CEMIP: variants seen among roughly 807,000 people sequenced by gnomAD.
CEMIP encodes cell migration-inducing and hyaluronan-binding protein.
A neutral mutation model predicts 156.9 loss-of-function variants in CEMIP; 105 were observed. The observed-to-expected ratio is 0.67, with a 90% CI of 0.57 to 0.79. CEMIP has a LOEUF of 0.79. Among genes scored for constraint, CEMIP ranks in the 30% least tolerant of loss-of-function variants. CEMIP has a pLI of 0.00. For missense variants in CEMIP, 1,457 were observed against 1,769.4 expected, an observed-to-expected ratio of 0.82 and a Z score of 3.17; for synonymous variants, 676 against 668.4, an observed-to-expected ratio of 1.01 and a Z score of -0.17.
intron 1 of CEMIP, among the ~76,000 whole-genome samples, chr15:80,848,120 G>T (rs541045399): frequency 2.1e-4 from 32 of 152,300 alleles, no homozygotes; most frequent in South Asian, 1.7e-3. Flanking sequence ...AATAGAAATT[G>T]GGTAATTTAT....
In CEMIP at chr15:80,929,430, T is replaced by C. The variant is rs7171268; in HGVS notation, c.2612+256T>C. 0.051 allele frequency among the ~76,000 whole-genome samples: 7,709 copies of C among 152,272 alleles called. 245 individuals are homozygous for C. The highest frequency in any genetic ancestry group is 0.17 in the Middle Eastern group (51 of 294). On this transcript the variant is annotated intron_variant, in intron 21 of 29. Coordinates refer to ENST00000394685, the MANE Select transcript of CEMIP (RefSeq NM_001293298.2). ...AAATGCGTAATGCATTCCTGGGCTA[T>C]GTTAATGGGAATTTAGTGTGTCTGG...
At chr15:80,933,172 C>T (rs1900990089) in intron 22 of CEMIP, 73 bp from the exon 23 acceptor site, 39 of 1,347,572 alleles carry the variant, frequency 2.9e-5, no homozygotes, top group Non-Finnish European at 3.4e-5. Flanking sequence ...TCGGAAACCT[C>T]GCCCTGGCCT....
chr15:80,870,452 G>A lies in CEMIP; in HGVS notation c.-175-3086G>A, dbSNP rs1275174318. 2.6e-5 allele frequency among the ~76,000 whole-genome samples: 4 copies of A among 152,318 alleles called. No homozygotes were observed. In the East Asian group the frequency reaches 5.8e-4, roughly 22 times the overall value. On this transcript the variant is annotated intron_variant, in intron 1 of 29. Coordinates refer to ENST00000394685, the MANE Select transcript of CEMIP (RefSeq NM_001293298.2). ...TCATCCCCATGAGGTTGAGGATGCC[G>A]TGGGAGTGCCGTTGCTCTGCAGCCT...
At chr15:80,890,351 G>A (rs1898993520) in intron 10 of CEMIP, among the ~76,000 whole-genome samples, 1 of 151,838 alleles carries the variant, frequency 6.6e-6, no homozygotes, top group African/African-American at 2.4e-5. Context: ...GGCCAAGGTG[G>A]GCAGATCACT....
chr15:80,940,401 C>T (rs993069957), intron 25 of CEMIP, among the ~76,000 whole-genome samples: 10 of 152,324 alleles, frequency 6.6e-5, no homozygotes, highest in Non-Finnish European at 1.5e-4. Flanking sequence ...AGGACCAATC[C>T]CATTTCTGTG....
rs992820445 is a variant in CEMIP at position 80,831,568 on chromosome 15, C to T, written c.-175-41970C>T. Reference sequence around the variant, plus strand: ...TCATGCTACTTTCAGAGTCAAGCAGCAAGCCAATGGGTAGGGAAAGACCAG... The same window carrying T: ...TCATGCTACTTTCAGAGTCAAGCAGTAAGCCAATGGGTAGGGAAAGACCAG... On this transcript the variant is annotated intron_variant, in intron 1 of 29. Coordinates refer to ENST00000394685, the MANE Select transcript of CEMIP (RefSeq NM_001293298.2). Among the ~76,000 whole-genome samples the T allele has an allele frequency of 2.6e-5, 4 of 152,158 alleles. No homozygotes were observed. In the East Asian group the frequency reaches 5.8e-4, roughly 22 times the overall value.
At chr15:80,935,681 T>C (rs1273251834) in intron 23 of CEMIP, among the ~76,000 whole-genome samples, 1 of 152,182 alleles carries the variant, frequency 6.6e-6, no homozygotes, top group Admixed American at 6.5e-5. Context: ...TATGGGGATA[T>C]TGTCTTATGA....
intron 1 of CEMIP, among the ~76,000 whole-genome samples, chr15:80,807,086 C>A (rs965857148): frequency 6.6e-6 from 1 of 151,962 alleles, no homozygotes; most frequent in Non-Finnish European, 1.5e-5. Context: ...GGGTGAGAGA[C>A]TAAAATTGTG....
rs368428285 is a variant in CEMIP at position 80,881,135 on chromosome 15, C to A, written c.616C>A (p.Arg206=). Residue 206 remains arginine (R), a splice_region_variant and synonymous_variant, in exon 6 of 30, where the codon CGG becomes AGG. Coordinates refer to ENST00000394685, the MANE Select transcript of CEMIP (RefSeq NM_001293298.2). ...ATCAGGCACAGTCATCCATTCTGACCGGTAAGGTTTGCCTTCACTTAAACG... is the reference window on the plus strand; with the variant it reads ...ATCAGGCACAGTCATCCATTCTGACAGGTAAGGTTTGCCTTCACTTAAACG... The part of the protein sequence containing the change: ...PKSGTVIHSD[R]FDTYRSKKES... The A allele has an allele frequency of 1.9e-6, 3 of 1,613,004 alleles. No homozygotes were observed. The highest frequency in any genetic ancestry group is 2.2e-5 in the East Asian group (1 of 44,870).
chr15:80,930,775 C>A (rs995818968), intron 21 of CEMIP, among the ~76,000 whole-genome samples: 1 of 152,204 alleles, frequency 6.6e-6, no homozygotes, highest in Non-Finnish European at 1.5e-5. Flanking sequence ...TCAGGGACAA[C>A]TGGAGTATGG....
intron 1 of CEMIP, among the ~76,000 whole-genome samples, chr15:80,866,942 A>G (rs1227718308): frequency 6.6e-6 from 1 of 152,100 alleles, no homozygotes; most frequent in Non-Finnish European, 1.5e-5. Flanking sequence ...AAGCAAGCAG[A>G]GTGACAGAGA....
intron 6 of CEMIP, 91 bp from the exon 7 acceptor site, chr15:80,884,084 T>A (rs1242372120): frequency 3.6e-5 from 45 of 1,233,288 alleles, no homozygotes; most frequent in Non-Finnish European, 4.9e-5. Context: ...TCGGATAGCA[T>A]GTTAGCTGTC....
intron 10 of CEMIP, among the ~76,000 whole-genome samples, chr15:80,890,669 TAC>T (rs1262012737): frequency 1.3e-5 from 2 of 151,920 alleles, no homozygotes; most frequent in Non-Finnish European, 2.9e-5. Flanking sequence ...TAAAAATAGC[TAC>T]CCCATTTGTA....
At chr15:80,946,588 G>T in intron 28 of CEMIP, 1 of 252,566 alleles carries the variant, frequency 4.0e-6, no homozygotes, top group South Asian at 5.3e-5. Context: ...ACCTAACCAG[G>T]GTTGAGAACA....
At chr15:80,912,223 A>AG (rs370910820) in intron 14 of CEMIP, among the ~76,000 whole-genome samples, 64 of 152,324 alleles carry the variant, frequency 4.2e-4, no homozygotes, top group African/African-American at 1.5e-3. Flanking sequence ...GGAAGGCAGC[A>AG]GTTCAGGGGT....
chr15:80,914,126 G>A (rs1337438938), intron 14 of CEMIP, among the ~76,000 whole-genome samples: 1 of 152,154 alleles, frequency 6.6e-6, no homozygotes, highest in African/African-American at 2.4e-5. Flanking sequence ...GTGGGGGTGG[G>A]GGATGCAAAA....
At position 80,884,276 on chromosome 15, in the gene CEMIP, G is replaced by GCCA. The variant is rs756702391; in HGVS notation, c.719_720insCCA (p.Gly240_Ser241insHis). The GCCA allele has an allele frequency of 6.2e-7, 1 of 1,614,194 alleles. No individual in the cohort carries two copies. The highest frequency in any genetic ancestry group is 8.5e-7 in the Non-Finnish European group (1 of 1,180,028). The stretch of plus-strand genomic sequence containing the variant: ...CTTTCTGTTGCAGTGAATGATGAAG[G>GCCA]TTCTCGAAATCTGGATGACATGGCC... On this transcript the variant is annotated inframe_insertion, in exon 7 of 30. Coordinates refer to ENST00000394685, the MANE Select transcript of CEMIP (RefSeq NM_001293298.2).
intron 1 of CEMIP, among the ~76,000 whole-genome samples, chr15:80,795,711 A>C (rs894624342): frequency 2.0e-5 from 3 of 152,016 alleles, no homozygotes; most frequent in African/African-American, 7.2e-5. Context: ...AGGTGGGAGG[A>C]TTTCTTGAGC....
chr15:80,815,421 C>A (rs1376433499), intron 1 of CEMIP, among the ~76,000 whole-genome samples: 1 of 152,224 alleles, frequency 6.6e-6, no homozygotes, highest in Non-Finnish European at 1.5e-5. Context: ...GCCAAGAATA[C>A]TTTCCAGATT....
Sources: gnomAD v4.1 joint callset for allele counts (sites outside exome capture counted in the v4.1 genomes callset) on GRCh38, gnomAD v4.1.1 for gene constraint, MANE v1.5 for transcripts, NCBI Gene and HGNC (gene_info 2026-07-23, HGNC 2026-07-21) for gene names.